PAPOLA: variants seen among roughly 807,000 people sequenced by gnomAD.
PAPOLA encodes the protein poly(A) polymerase alpha, also known as polynucleotide adenylyltransferase alpha.
In PAPOLA, 15 loss-of-function variants were observed where a neutral mutation model predicts 100.6. The observed-to-expected ratio is 0.15, with a 90% CI of 0.10 to 0.23. The LOEUF (loss-of-function observed/expected upper bound fraction) is 0.23. PAPOLA is among the 10% of genes least tolerant of loss of function. PAPOLA has a pLI of 1.00. For missense variants in PAPOLA, 533 were observed against 884.2 expected, an observed-to-expected ratio of 0.60 and a Z score of 5.04; for synonymous variants, 293 against 300.0, an observed-to-expected ratio of 0.98 and a Z score of 0.24.
chr14:96,535,772 A>C, intron 10 of PAPOLA, 107 bp from the exon 11 acceptor site: 3 of 1,028,952 alleles, frequency 2.9e-6, no homozygotes, highest in Non-Finnish European at 4.0e-6. Flanking sequence ...TCCAGCTATG[A>C]ATGAAATAAA....
chr14:96,519,908 T>G (rs1897799287), intron 1 of PAPOLA, 147 bp from the exon 2 acceptor site: 1 of 566,946 alleles, frequency 1.8e-6, no homozygotes, highest in Admixed American at 3.6e-5. Flanking sequence ...TTGCTTTTGG[T>G]CACTTTTTGT....
chr14:96,530,893 C>T (rs2140280725), intron 6 of PAPOLA, among the ~76,000 whole-genome samples: 1 of 152,234 alleles, frequency 6.6e-6, no homozygotes, highest in South Asian at 2.1e-4. Flanking sequence ...TGACTTACCG[C>T]AACCTCCGCC....
At position 96,513,308 on chromosome 14, in the gene PAPOLA, A is replaced by G. The variant is rs1023207956; in HGVS notation, c.9-6747A>G. On this transcript the variant is annotated intron_variant, in intron 1 of 21. Transcript: ENST00000216277. ...GGTCTCAAACTCCTGGGCTCAAGGG[A>G]TCTTCCTACCTCAGCCTCCCAAAGT... 3.9e-5 allele frequency among the ~76,000 whole-genome samples: 6 copies of G among 152,066 alleles called. No homozygotes were observed. The East Asian group carries it at 1.2e-3, about 29-fold the overall frequency.
intron 3 of PAPOLA, among the ~76,000 whole-genome samples, chr14:96,523,649 GA>G (rs2140263991): frequency 6.6e-6 from 1 of 152,214 alleles, no homozygotes; most frequent in East Asian, 1.9e-4. Context: ...TTACTTTTAA[GA>G]AATACAACAT....
At chr14:96,521,489 A>T (rs1897957822) in intron 3 of PAPOLA, among the ~76,000 whole-genome samples, 1 of 151,934 alleles carries the variant, frequency 6.6e-6, no homozygotes, top group Non-Finnish European at 1.5e-5. Flanking sequence ...TTATTTATTT[A>T]TTTTTTATTT....
chr14:96,550,748 C>G lies in PAPOLA; in HGVS notation c.1522-1732C>G, dbSNP rs116845133. ...ATTAAATCTACCCTGTATTTGAGAT[C>G]ATTTAGATTATTTCTAAGTTTGCAT... On this transcript the variant is annotated intron_variant, in intron 16 of 21. Transcript: ENST00000216277. 1.2e-3 allele frequency among the ~76,000 whole-genome samples: 178 copies of G among 152,234 alleles called. 4 individuals carry two copies. In the East Asian group the frequency reaches 0.028, roughly 24 times the overall value.
Position 96,530,687 on chromosome 14 carries a change from A to T in PAPOLA, c.496-788A>T, listed in dbSNP as rs375067732. ...CGGCGGGAGCCACTACCCCCAGCCTATATTGCCATGTTTTAAAATTATCTA... is the reference window on the plus strand; with the variant it reads ...CGGCGGGAGCCACTACCCCCAGCCTTTATTGCCATGTTTTAAAATTATCTA... On this transcript the variant is annotated intron_variant, in intron 6 of 21. Coordinates refer to ENST00000216277, the MANE Select transcript of PAPOLA (RefSeq NM_032632.5). Among the ~76,000 whole-genome samples the T allele has an allele frequency of 1.4e-4, 21 of 152,168 alleles. 1 individual carries two copies. The East Asian group carries it at 4.1e-3, about 29-fold the overall frequency.
At chr14:96,536,848 GC>G (rs1392966247) in intron 11 of PAPOLA, 127 bp from the exon 12 acceptor site, 2 of 613,274 alleles carry the variant, frequency 3.3e-6, no homozygotes, top group Admixed American at 2.8e-5. Flanking sequence ...AAAATCATAA[GC>G]TAAAACTATA....
intron 12 of PAPOLA, among the ~76,000 whole-genome samples, chr14:96,539,099 C>T (rs1899767524): frequency 6.6e-6 from 1 of 151,954 alleles, no homozygotes; most frequent in Non-Finnish European, 1.5e-5. Flanking sequence ...TTAAATGCCG[C>T]TTCTGAGATA....
At chr14:96,522,112 C>T (rs1056714763) in intron 3 of PAPOLA, among the ~76,000 whole-genome samples, 98 of 98,650 alleles carry the variant, frequency 9.9e-4, no homozygotes, top group South Asian at 7.2e-3. Flanking sequence ...CTCTTTCTTT[C>T]TTTCTTTTTT....
chr14:96,531,388 C>CT, intron 6 of PAPOLA, 87 bp from the exon 7 acceptor site: 1 of 1,036,386 alleles, frequency 9.6e-7, no homozygotes. Context: ...TCCCAGAGTG[C>CT]TGGGATTTTT....
chr14:96,536,253 G>A (rs1899517959), intron 11 of PAPOLA, among the ~76,000 whole-genome samples: 2 of 152,006 alleles, frequency 1.3e-5, no homozygotes, highest in South Asian at 4.1e-4. Flanking sequence ...GCATACTATT[G>A]CCTTGTAAAA....
At chr14:96,533,546 C>CTTTTTTTTTTTTTT (rs1172413058) in intron 9 of PAPOLA, 4 of 574,906 alleles carry the variant, frequency 7.0e-6, no homozygotes, top group African/African-American at 5.7e-5. Flanking sequence ...GTCAGAATTT[C>CTTTTTTTTTTTTTT]TTTTTTTTTT....
At chr14:96,545,636 G>A (rs1364061317) in intron 15 of PAPOLA, among the ~76,000 whole-genome samples, 1 of 151,882 alleles carries the variant, frequency 6.6e-6, no homozygotes, top group Non-Finnish European at 1.5e-5. Flanking sequence ...TAATTGCCAA[G>A]TAGGTTTTTT....
intron 18 of PAPOLA, 67 bp downstream of exon 18, chr14:96,556,014 A>G (rs1305628370): frequency 1.6e-6 from 2 of 1,259,426 alleles, no homozygotes; most frequent in Non-Finnish European, 2.3e-6. Context: ...TTCATTTTGA[A>G]AAGTGGGTTT....
At chr14:96,527,888 A>T in intron 5 of PAPOLA, 65 bp from the exon 6 acceptor site, 2 of 1,098,596 alleles carry the variant, frequency 1.8e-6, no homozygotes, top group Non-Finnish European at 2.8e-6. Flanking sequence ...TTGCTAAAGT[A>T]CTAAAACTAG....
At chr14:96,506,796 A>G (rs143829881) in intron 1 of PAPOLA, among the ~76,000 whole-genome samples, 50 of 152,344 alleles carry the variant, frequency 3.3e-4, no homozygotes, top group African/African-American at 1.2e-3. Flanking sequence ...TCATATGTGC[A>G]TTCAAGGGTA....
intron 17 of PAPOLA, among the ~76,000 whole-genome samples, chr14:96,554,529 C>T (rs991562306): frequency 5.3e-5 from 8 of 152,104 alleles, no homozygotes; most frequent in African/African-American, 1.9e-4. Flanking sequence ...AACAAGTCTT[C>T]GAAGTGTTGC....
chr14:96,552,351 A>G (rs1198800836), intron 16 of PAPOLA, 129 bp from the exon 17 acceptor site: 19 of 840,378 alleles, frequency 2.3e-5, no homozygotes, highest in Non-Finnish European at 3.1e-5. Flanking sequence ...AGCATGGCAC[A>G]TCTAACTTTC....
Sources: gnomAD v4.1 joint callset for allele counts (sites outside exome capture counted in the v4.1 genomes callset) on GRCh38, gnomAD v4.1.1 for gene constraint, MANE v1.5 for transcripts, NCBI Gene and HGNC (gene_info 2026-07-23, HGNC 2026-07-21) for gene names.